CSMD1: variants seen among roughly 807,000 people sequenced by gnomAD.
The protein encoded by CSMD1 is CUB and Sushi multiple domains 1, also known as CUB and sushi domain-containing protein 1.
A neutral mutation model predicts 417.5 loss-of-function variants in CSMD1; 213 were observed. That is an observed-to-expected ratio of 0.51 (90% CI 0.46 to 0.57). The LOEUF (loss-of-function observed/expected upper bound fraction) is 0.57, where lower values mean the gene tolerates loss of function less well. Among genes scored for constraint, CSMD1 ranks in the 20% least tolerant of loss-of-function variants. The pLI is 0.00. For synonymous variants in CSMD1, 2,862 were observed against 1,736.8 expected, an observed-to-expected ratio of 1.65 and a Z score of -16.11; for missense variants, 6,923 against 4,529.7, an observed-to-expected ratio of 1.53 and a Z score of -15.17.
chr8:4,140,090 T>C (rs1803689758), intron 3 of CSMD1, among the ~76,000 whole-genome samples: 1 of 151,054 alleles, frequency 6.6e-6, no homozygotes, highest in Admixed American at 6.6e-5. Context: ...CAGTTACTCA[T>C]GCCTATAGTC....
chr8:3,646,459 C>G (rs1033745507), intron 7 of CSMD1, among the ~76,000 whole-genome samples: 18 of 152,208 alleles, frequency 1.2e-4, no homozygotes, highest in African/African-American at 4.3e-4. Context: ...AAGGGAAAAT[C>G]GCACCTATTA....
intron 3 of CSMD1, among the ~76,000 whole-genome samples, chr8:4,337,902 C>T (rs1800262352): frequency 6.6e-6 from 1 of 152,076 alleles, no homozygotes; most frequent in African/African-American, 2.4e-5. Context: ...GACAAAATGA[C>T]CCCATCACTG....
intron 5 of CSMD1, among the ~76,000 whole-genome samples, chr8:3,881,447 C>A (rs1201629852): frequency 6.6e-6 from 1 of 151,352 alleles, no homozygotes; most frequent in East Asian, 1.9e-4. Context: ...CCAGCCTGGT[C>A]AAGATGGTGA....
At chr8:4,990,369 A>ATTTT (rs10625552) in intron 1 of CSMD1, among the ~76,000 whole-genome samples, 4 of 150,400 alleles carry the variant, frequency 2.7e-5, no homozygotes, top group Non-Finnish European at 3.0e-5. Context: ...AGGGGTTCAC[A>ATTTT]TTTTTTTTTT....
At chr8:4,465,456 A>ATT (rs1336437767) in intron 2 of CSMD1, among the ~76,000 whole-genome samples, 1 of 152,172 alleles carries the variant, frequency 6.6e-6, no homozygotes, top group Non-Finnish European at 1.5e-5. Flanking sequence ...GCCTTGCCAT[A>ATT]TTATTTTAAA....
chr8:3,190,360 C>A (rs900574648), intron 33 of CSMD1, among the ~76,000 whole-genome samples: 2 of 152,086 alleles, frequency 1.3e-5, no homozygotes, highest in African/African-American at 4.8e-5. Flanking sequence ...ACGTTCCCAA[C>A]TGTACTTCGC....
intron 2 of CSMD1, among the ~76,000 whole-genome samples, chr8:4,623,381 G>A (rs1203111258): frequency 6.6e-6 from 1 of 152,094 alleles, no homozygotes; most frequent in Non-Finnish European, 1.5e-5. Flanking sequence ...CATCCCTCAG[G>A]TGGGAATTTA....
chr8:4,922,391 T>C (rs1806558158), intron 1 of CSMD1, among the ~76,000 whole-genome samples: 1 of 152,178 alleles, frequency 6.6e-6, no homozygotes, highest in African/African-American at 2.4e-5. Context: ...TTTTACAAAA[T>C]CCTGTTTTAC....
intron 50 of CSMD1, among the ~76,000 whole-genome samples, chr8:3,047,457 A>C (rs1386424705): frequency 6.6e-6 from 1 of 152,116 alleles, no homozygotes; most frequent in Non-Finnish European, 1.5e-5. Flanking sequence ...CAGTAGTTAC[A>C]AGCCTGATGC....
At chr8:4,282,223 A>C (rs1348441593) in intron 3 of CSMD1, among the ~76,000 whole-genome samples, 1 of 152,216 alleles carries the variant, frequency 6.6e-6, no homozygotes, top group Non-Finnish European at 1.5e-5. Context: ...ACAGAAACAT[A>C]AAATCTTACA....
At chr8:3,591,587 A>T (rs547326387) in intron 8 of CSMD1, among the ~76,000 whole-genome samples, 5 of 152,312 alleles carry the variant, frequency 3.3e-5, no homozygotes, top group African/African-American at 9.6e-5. Context: ...AGATTACACT[A>T]ATCTACTGAC....
intron 3 of CSMD1, among the ~76,000 whole-genome samples, chr8:4,194,301 G>C (rs1038106798): frequency 1.2e-4 from 19 of 152,214 alleles, no homozygotes; most frequent in African/African-American, 3.4e-4. Flanking sequence ...ATGTTCCCAA[G>C]TCATTCCTAT....
At chr8:4,622,405 C>G (rs1801835309) in intron 2 of CSMD1, among the ~76,000 whole-genome samples, 1 of 152,064 alleles carries the variant, frequency 6.6e-6, no homozygotes, top group African/African-American at 2.4e-5. Flanking sequence ...TTCTGGCGAG[C>G]TACCCGATGG....
intron 5 of CSMD1, among the ~76,000 whole-genome samples, chr8:3,939,017 G>A (rs977266372): frequency 6.6e-6 from 1 of 152,060 alleles, no homozygotes; most frequent in Non-Finnish European, 1.5e-5. Flanking sequence ...TACATGTATA[G>A]TGAAATGGAT....
chr8:3,694,030 G>GTGTTGGGGTATTA (rs1800404868), intron 7 of CSMD1, among the ~76,000 whole-genome samples: 3 of 2,068 alleles, frequency 1.5e-3, no homozygotes, highest in Admixed American at 0.015. Context: ...TGTGTTGTGT[G>GTGTTGGGGTATTA]TGTGTTGGGT....
chr8:3,502,044 C>T (rs1294634164), intron 10 of CSMD1, among the ~76,000 whole-genome samples: 2 of 152,140 alleles, frequency 1.3e-5, no homozygotes, highest in African/African-American at 4.8e-5. Flanking sequence ...ATATGCTTAT[C>T]AAATAATGAA....
At chr8:4,103,040 G>A (rs1359991264) in intron 3 of CSMD1, among the ~76,000 whole-genome samples, 5 of 152,068 alleles carry the variant, frequency 3.3e-5, no homozygotes, top group East Asian at 1.9e-4. Flanking sequence ...TTGACTCAGC[G>A]GGTCAGAGAA....
intron 26 of CSMD1, among the ~76,000 whole-genome samples, chr8:3,277,416 C>T (rs1802383476): frequency 6.6e-6 from 1 of 152,074 alleles, no homozygotes; most frequent in African/African-American, 2.4e-5. Flanking sequence ...CAGCTCAGAC[C>T]CCCAGCGGCG....
chr8:3,421,765 G>C (rs1470653832), intron 12 of CSMD1, among the ~76,000 whole-genome samples: 1 of 152,206 alleles, frequency 6.6e-6, no homozygotes, highest in East Asian at 1.9e-4. Context: ...AGCCTCCAGA[G>C]TAGCTGGGAC....
Sources: allele counts gnomAD v4.1 joint callset (sites outside exome capture counted in the v4.1 genomes callset), GRCh38; gene constraint gnomAD v4.1.1; transcripts MANE v1.5; gene names NCBI Gene and HGNC (gene_info 2026-07-23, HGNC 2026-07-21).